GALNT9: variants seen among roughly 807,000 people sequenced by gnomAD.
The protein encoded by GALNT9 is GalNAc transferase 9.
In GALNT9, 47 loss-of-function variants were observed where a neutral mutation model predicts 63.1. The ratio of observed to expected loss-of-function variants is 0.75; its 90% confidence interval spans 0.59 to 0.95. The LOEUF (loss-of-function observed/expected upper bound fraction) is 0.95. Ranked by LOEUF, GALNT9 falls within the 40% of genes least tolerant of loss-of-function variation. The pLI, the probability that GALNT9 is intolerant of heterozygous loss-of-function variation, is 0.00. For missense variants in GALNT9, 829 were observed against 874.8 expected (o/e 0.95, Z 0.66); for synonymous variants, 396 against 365.7 (o/e 1.08, Z -0.94).
chr12:132,280,887 G>A (rs1555241625), intron 2 of GALNT9: 1 of 152,316 alleles, frequency 6.6e-6, no homozygotes, highest in African/African-American at 2.4e-5. Context: ...TCTGAATAAA[G>A]AGACTTAACC....
In GALNT9 at chr12:132,262,500, A is replaced by G; in HGVS notation, c.545T>C (p.Leu182Pro). 6.4e-7 allele frequency: 1 copy of G among 1,551,270 alleles called. No homozygotes were observed. Among genetic ancestry groups the G allele is most frequent in the Non-Finnish European group, 8.7e-7 (1 of 1,146,860 alleles). The change falls in exon 3 of 11, where the codon CTC becomes CCC. Residue 182 changes from leucine to proline, a missense_variant. Coordinates refer to ENST00000328957, the MANE Select transcript of GALNT9 (RefSeq NM_001122636.2). The part of the protein sequence containing the change: ...HSVVNHTPSQ[L>P]LKEVILVDDN... ...GTCCACCAGGATGACCTCCTTGAGGAGCTGGGAGGGCGTGTGGTTGACCAC... is the reference window on the plus strand; with the variant it reads ...GTCCACCAGGATGACCTCCTTGAGGGGCTGGGAGGGCGTGTGGTTGACCAC...
At chr12:132,261,741 T>C (rs1879395663) in intron 3 of GALNT9, among the ~76,000 whole-genome samples, 1 of 152,230 alleles carries the variant, frequency 6.6e-6, no homozygotes, top group African/African-American at 2.4e-5. Flanking sequence ...TCCCCATGTT[T>C]TCCTCCATTT....
intron 1 of GALNT9, among the ~76,000 whole-genome samples, chr12:132,301,876 C>A (rs908871480): frequency 6.6e-6 from 1 of 152,240 alleles, no homozygotes; most frequent in Admixed American, 6.5e-5. Flanking sequence ...GTTATGGCCA[C>A]AGATGCCTTC....
At chr12:132,290,338 C>A (rs1880759370) in intron 1 of GALNT9, among the ~76,000 whole-genome samples, 1 of 152,184 alleles carries the variant, frequency 6.6e-6, no homozygotes. Flanking sequence ...GCCACGGACC[C>A]TCAGTGAGAG....
intron 1 of GALNT9, among the ~76,000 whole-genome samples, chr12:132,291,397 ACGTC>A (rs1880831316): frequency 2.5e-5 from 3 of 119,170 alleles, no homozygotes; most frequent in Admixed American, 8.0e-5. Context: ...CACAGCACCC[ACGTC>A]CACAGCGCAC....
intron 6 of GALNT9, among the ~76,000 whole-genome samples, chr12:132,209,600 A>G (rs765989534): frequency 3.3e-5 from 5 of 152,084 alleles, no homozygotes; most frequent in Admixed American, 1.3e-4. Flanking sequence ...CACCAAAACC[A>G]AGATGGCAAC....
chr12:132,248,328 G>A (rs1001340753), intron 5 of GALNT9, among the ~76,000 whole-genome samples: 1 of 152,112 alleles, frequency 6.6e-6, no homozygotes, highest in African/African-American at 2.4e-5. Context: ...AAGATCAATC[G>A]GCCGGCACAG....
intron 6 of GALNT9, among the ~76,000 whole-genome samples, chr12:132,204,262 C>T (rs1029104868): frequency 2.6e-5 from 4 of 151,664 alleles, no homozygotes; most frequent in Admixed American, 6.5e-5. Flanking sequence ...TGCTTCCTTC[C>T]GTGTCGTTCC....
At chr12:132,202,446 G>A (rs1306383962) in intron 7 of GALNT9, among the ~76,000 whole-genome samples, 3 of 152,208 alleles carry the variant, frequency 2.0e-5, no homozygotes, top group Admixed American at 1.3e-4. Context: ...GGTCCAGCCC[G>A]GGGCCACTTC....
At chr12:132,247,644 ATGGCCGC>A in intron 6 of GALNT9, 4 of 544,796 alleles carry the variant, frequency 7.3e-6, no homozygotes, top group Admixed American at 2.4e-5. Flanking sequence ...CCCAGACGCC[ATGGCCGC>A]ACTCGCCCTC....
intron 5 of GALNT9, among the ~76,000 whole-genome samples, chr12:132,254,945 A>T (rs1320630254): frequency 6.6e-6 from 1 of 152,230 alleles, no homozygotes; most frequent in African/African-American, 2.4e-5. Context: ...GCTTCAGTTC[A>T]TCATGACTGA....
chr12:132,243,472 A>T (rs1251856435), intron 6 of GALNT9, among the ~76,000 whole-genome samples: 1 of 108,720 alleles, frequency 9.2e-6, no homozygotes, highest in Non-Finnish European at 2.0e-5. Context: ...GGCCGACCTG[A>T]AGGTCAGGGC....
At chr12:132,228,304 C>T (rs1460224332) in intron 6 of GALNT9, among the ~76,000 whole-genome samples, 4 of 151,990 alleles carry the variant, frequency 2.6e-5, no homozygotes, top group Admixed American at 6.5e-5. Context: ...CTGACCCCGG[C>T]ACTCCCTTTC....
intron 10 of GALNT9, 140 bp from the exon 11 acceptor site, chr12:132,197,393 G>T: frequency 1.6e-6 from 2 of 1,261,946 alleles, no homozygotes; most frequent in Non-Finnish European, 2.1e-6. Flanking sequence ...CATCACAGCA[G>T]CACCCAGGGG....
intron 1 of GALNT9, among the ~76,000 whole-genome samples, chr12:132,306,148 G>A (rs1881604446): frequency 6.6e-6 from 1 of 152,236 alleles, no homozygotes; most frequent in Non-Finnish European, 1.5e-5. Flanking sequence ...CCCCGTGGGG[G>A]GCCTGCAGGG....
At chr12:132,197,280 C>A (rs1423031323) in intron 10 of GALNT9, 27 bp from the exon 11 acceptor site, 1 of 1,606,490 alleles carries the variant, frequency 6.2e-7, no homozygotes, top group Non-Finnish European at 8.5e-7. Flanking sequence ...ATCAAGTCAG[C>A]CAGGTGCAGG....
chr12:132,309,944 G>A (rs1208664872), intron 1 of GALNT9, among the ~76,000 whole-genome samples: 4 of 152,260 alleles, frequency 2.6e-5, no homozygotes, highest in East Asian at 3.8e-4. Flanking sequence ...GTGAAACCCC[G>A]GCCTCCCCGG....
chr12:132,277,649 TC>T (rs111231284), intron 2 of GALNT9: 13,198 of 149,558 alleles, frequency 0.088, 1,451 homozygotes, highest in African/African-American at 0.26. Flanking sequence ...TGCTGGGGGC[TC>T]CCCCCGCGGC....
In GALNT9 at chr12:132,310,436, C is replaced by T. The variant is rs1295690602; in HGVS notation, c.238+18530G>A. ...GGCTGCCTCCCACCCAACAGCCCCACCCAGAAGGACGGGGCCGGCCATCTC... is the reference window on the plus strand; with the variant it reads ...GGCTGCCTCCCACCCAACAGCCCCATCCAGAAGGACGGGGCCGGCCATCTC... On this transcript the variant is annotated intron_variant, in intron 1 of 10. Transcript: ENST00000328957. The surrounding 1 kb of genome is among the most constrained non-coding windows in gnomAD (Gnocchi z 4.8). Among the ~76,000 whole-genome samples, 1 of 152,202 alleles carries T rather than the reference C, an allele frequency of 6.6e-6. No homozygotes were observed.
Sources: gnomAD v4.1 joint callset for allele counts (sites outside exome capture counted in the v4.1 genomes callset) on GRCh38, gnomAD v4.1.1 for gene constraint, Gnocchi (gnomAD v3.1) non-coding constraint, MANE v1.5 for transcripts, NCBI Gene and HGNC (gene_info 2026-07-23, HGNC 2026-07-21) for gene names.